Variants in PIK3CA observed in about 807,000 individuals in gnomAD.
PIK3CA encodes phosphatidylinositol 4,5-bisphosphate 3-kinase catalytic subunit alpha isoform.
A neutral mutation model predicts 138.2 loss-of-function variants in PIK3CA; 27 were observed. That is an observed-to-expected ratio of 0.20 (90% CI 0.14 to 0.27). PIK3CA has a LOEUF of 0.27. PIK3CA is among the 10% of genes least tolerant of loss of function. The probability of loss-of-function intolerance (pLI) is 1.00; values close to 1 mark genes in which losing one functional copy is unlikely to be tolerated. For missense variants in PIK3CA, 544 were observed against 1,277.4 expected, an observed-to-expected ratio of 0.43 and a Z score of 8.75; for synonymous variants, 358 against 413.2, an observed-to-expected ratio of 0.87 and a Z score of 1.62.
chr3:179,152,680 G>A (rs1438814209), intron 1 of PIK3CA, among the ~76,000 whole-genome samples: 1 of 152,098 alleles, frequency 6.6e-6, no homozygotes, highest in Non-Finnish European at 1.5e-5. Context: ...TCTCATGAGT[G>A]GACTTATCTG....
rs2108389547 is a variant in PIK3CA, at chr3:179,201,367, G to A, written c.640G>A (p.Asp214Asn). 1 of 1,613,568 alleles carries A rather than the reference G, an allele frequency of 6.2e-7. No individual in the cohort carries two copies. Among genetic ancestry groups the A allele is most frequent in the Non-Finnish European group, 8.5e-7 (1 of 1,179,706 alleles). Reference sequence around the variant, plus strand: ...GAAGTATACTCTGAAAATCAACCATGACTGTGTACCAGAACAAGTAATTGC... The same window carrying A: ...GAAGTATACTCTGAAAATCAACCATAACTGTGTACCAGAACAAGTAATTGC... ...KQKYTLKINH[D>N]CVPEQVIAEA... is the part of the protein sequence containing the mutation. The change falls in exon 4 of 21, where the codon GAC becomes AAC. Residue 214 changes from aspartate (D) to asparagine (N), a missense_variant. Transcript: ENST00000263967.
At chr3:179,190,765 T>C (rs1724113330) in intron 1 of PIK3CA, among the ~76,000 whole-genome samples, 1 of 152,084 alleles carries the variant, frequency 6.6e-6, no homozygotes, top group African/African-American at 2.4e-5. Flanking sequence ...AGAAAAGGCA[T>C]GTAAATGTAT....
At chr3:179,188,183 A>G (rs1560133456) in intron 1 of PIK3CA, among the ~76,000 whole-genome samples, 1 of 152,210 alleles carries the variant, frequency 6.6e-6, no homozygotes, top group Non-Finnish European at 1.5e-5. Flanking sequence ...TATATGTTAA[A>G]TAATCTGGAG....
chr3:179,232,490 G>C (rs76677502), intron 20 of PIK3CA, among the ~76,000 whole-genome samples: 8 of 152,122 alleles, frequency 5.3e-5, no homozygotes, highest in Non-Finnish European at 8.8e-5. Flanking sequence ...TGTATCTGCT[G>C]TTTTGGTAAT....
chr3:179,213,089 ATAAC>A (rs1724755861), intron 9 of PIK3CA, among the ~76,000 whole-genome samples: 1 of 152,300 alleles, frequency 6.6e-6, no homozygotes, highest in South Asian at 2.1e-4. Context: ...TGAGCTAAGA[ATAAC>A]TAACTGAGGA....
At chr3:179,185,734 T>C (rs1187063278) in intron 1 of PIK3CA, among the ~76,000 whole-genome samples, 1 of 152,166 alleles carries the variant, frequency 6.6e-6, no homozygotes, top group African/African-American at 2.4e-5. Flanking sequence ...GGAAATACAT[T>C]TCTCGGTTTA....
intron 1 of PIK3CA, among the ~76,000 whole-genome samples, chr3:179,160,209 A>T (rs978587954): frequency 5.9e-5 from 9 of 152,222 alleles, no homozygotes; most frequent in Admixed American, 5.9e-4. Flanking sequence ...CAGCTCCATT[A>T]ATCTTACGGG....
intron 1 of PIK3CA, among the ~76,000 whole-genome samples, chr3:179,177,312 CTTTTT>C (rs11328702): frequency 1.1e-5 from 1 of 91,032 alleles, no homozygotes; most frequent in Non-Finnish European, 2.2e-5. Flanking sequence ...ATTCTCTTTT[CTTTTT>C]TTTTTTTTTT....
intron 1 of PIK3CA, among the ~76,000 whole-genome samples, chr3:179,167,742 A>G (rs941188889): frequency 1.3e-5 from 2 of 152,134 alleles, no homozygotes; most frequent in African/African-American, 4.8e-5. Context: ...GAACTACGCA[A>G]TGAATATTCT....
chr3:179,202,039 T>C (rs929411505), intron 4 of PIK3CA, among the ~76,000 whole-genome samples: 7 of 152,178 alleles, frequency 4.6e-5, no homozygotes, highest in Admixed American at 2.6e-4. Flanking sequence ...CAAATATAGA[T>C]ATTCCATGGG....
intron 1 of PIK3CA, among the ~76,000 whole-genome samples, chr3:179,153,094 G>A (rs1723052676): frequency 6.6e-6 from 1 of 152,072 alleles, no homozygotes. Context: ...AAATTCAGGA[G>A]CCATTATTTA....
intron 14 of PIK3CA, among the ~76,000 whole-genome samples, chr3:179,222,704 G>A (rs984775018): frequency 1.4e-4 from 21 of 152,156 alleles, no homozygotes; most frequent in African/African-American, 4.6e-4. Flanking sequence ...CTGCTACCCA[G>A]CATCTCAAGA....
Position 179,235,607 on chromosome 3 carries a change from A to G in PIK3CA, c.*1243A>G. ...CAATCATATGAAATTAGTTACCAGAATTAACACAATTTAGACTATCTTCCT... is the reference window on the plus strand; with the variant it reads ...CAATCATATGAAATTAGTTACCAGAGTTAACACAATTTAGACTATCTTCCT... On this transcript the variant is annotated 3_prime_UTR_variant, in exon 21 of 21. Coordinates refer to ENST00000263967, the MANE Select transcript of PIK3CA (RefSeq NM_006218.4). The G allele has an allele frequency of 4.9e-6, 1 of 205,316 alleles. No homozygotes were observed. The highest frequency in any genetic ancestry group is 7.4e-5 in the East Asian group (1 of 13,452). The allele number at this position is 205,316 out of a possible 1,614,324, so 12.7% of individuals were successfully genotyped here.
rs201600506 is a variant in PIK3CA, at chr3:179,225,984, A to C, written c.2439A>C (p.Thr813=). The C allele has an allele frequency of 1.5e-5, 24 of 1,594,330 alleles. No individual in the cohort carries two copies. In the African/African-American group the frequency reaches 2.4e-4, roughly 16 times the overall value. ...NGDDLRQDML[T]LQIIRIMENI... is the part of the protein sequence containing the mutation. ...CAGATTTACGGCAAGATATGCTAAC[A>C]CTTCAAATTATTCGTATTATGGAAA... The change falls in exon 17 of 21, where the codon ACA becomes ACC. Residue 813 remains threonine, a synonymous_variant. Coordinates refer to ENST00000263967, the MANE Select transcript of PIK3CA (RefSeq NM_006218.4).
At position 179,224,796 on chromosome 3, in the gene PIK3CA, T is replaced by C. The variant is rs1725045807; in HGVS notation, c.2391T>C (p.Asn797=). Residue 797 remains asparagine (N), a synonymous_variant, in exon 16 of 21, where the codon AAT becomes AAC. Coordinates refer to ENST00000263967, the MANE Select transcript of PIK3CA (RefSeq NM_006218.4). ...DIMSELLFQN[N]EIIFKNGDDL... ...TGTCAGAGTTACTGTTTCAGAACAA[T>C]GAGATCATCTTTAAAAATGGGGATG... The C allele has an allele frequency of 6.2e-7, 1 of 1,605,906 alleles. No individual in the cohort carries two copies.
rs187208418 is a variant in PIK3CA at position 179,215,198 on chromosome 3, C to T, written c.1540-3012C>T. On this transcript the variant is annotated intron_variant, in intron 9 of 20. Coordinates refer to ENST00000263967, the MANE Select transcript of PIK3CA (RefSeq NM_006218.4). ...CAGTAAGGCGTTTACCACTACTTTT[C>T]GGAAAACAAATTATCTTTTCTGCAT... Among the ~76,000 whole-genome samples the T allele has an allele frequency of 5.9e-5, 9 of 152,224 alleles. No individual in the cohort carries two copies. The East Asian group carries it at 1.4e-3, about 23-fold the overall frequency.
chr3:179,199,996 A>G (rs1576932617), intron 3 of PIK3CA, 97 bp downstream of exon 3: 10 of 701,408 alleles, frequency 1.4e-5, no homozygotes, highest in East Asian at 1.3e-4. Context: ...TTCCAGCTAG[A>G]TAGTAAGCTT....
At chr3:179,225,863 A>G in intron 16 of PIK3CA, 99 bp from the exon 17 acceptor site, 1 of 630,926 alleles carries the variant, frequency 1.6e-6, no homozygotes. Context: ...AAGAGTAAAT[A>G]TAGCTGTATT....
intron 3 of PIK3CA, 74 bp downstream of exon 3, chr3:179,199,973 T>TA: frequency 2.2e-6 from 2 of 902,920 alleles, no homozygotes; most frequent in Non-Finnish European, 3.4e-6. Context: ...CTTTGTATAG[T>TA]CTTTTTTTTT....
Sources: allele counts gnomAD v4.1 joint callset (sites outside exome capture counted in the v4.1 genomes callset), GRCh38; gene constraint gnomAD v4.1.1; transcripts MANE v1.5; gene names NCBI Gene and HGNC (gene_info 2026-07-23, HGNC 2026-07-21).